Variants in FCHSD2 observed in about 807,000 individuals in gnomAD.
FCHSD2 encodes FCH and double SH3 domains 2, also known as F-BAR and double SH3 domains protein 2.
Under a neutral mutation model 108.1 loss-of-function variants are expected in FCHSD2, and 38 were observed. The observed-to-expected ratio is 0.35, with a 90% confidence interval of 0.27 to 0.46. The LOEUF (loss-of-function observed/expected upper bound fraction) is 0.46, where lower values mean the gene tolerates loss of function less well. FCHSD2 is among the 20% of genes least tolerant of loss of function. The pLI is 1.00. For synonymous variants in FCHSD2, 279 were observed against 314.7 expected, an observed-to-expected ratio of 0.89 and a Z score of 1.20; for missense variants, 751 against 897.8, an observed-to-expected ratio of 0.84 and a Z score of 2.09.
intron 13 of FCHSD2, among the ~76,000 whole-genome samples, chr11:72,854,641 T>C (rs1170449110): frequency 6.6e-6 from 1 of 152,160 alleles, no homozygotes; most frequent in Non-Finnish European, 1.5e-5. Flanking sequence ...ATGCTACATA[T>C]GACATGGGTG....
chr11:73,029,536 T>C (rs1487654964), intron 3 of FCHSD2, among the ~76,000 whole-genome samples: 1 of 152,166 alleles, frequency 6.6e-6, no homozygotes, highest in Non-Finnish European at 1.5e-5. Flanking sequence ...CTATGCTCCT[T>C]ATGGGAGCCA....
chr11:72,944,759 GACAA>G (rs1300415122), intron 8 of FCHSD2, among the ~76,000 whole-genome samples: 2 of 152,092 alleles, frequency 1.3e-5, no homozygotes, highest in Non-Finnish European at 2.9e-5. Flanking sequence ...ACCAATAACA[GACAA>G]ACAGAGAGCC....
intron 3 of FCHSD2, among the ~76,000 whole-genome samples, chr11:73,082,609 T>A (rs1013827034): frequency 6.6e-6 from 1 of 152,062 alleles, no homozygotes; most frequent in Non-Finnish European, 1.5e-5. Context: ...AAAAGAGTCA[T>A]GCCCCAATCT....
intron 2 of FCHSD2, among the ~76,000 whole-genome samples, chr11:73,137,044 A>G (rs1861135495): frequency 6.6e-6 from 1 of 152,178 alleles, no homozygotes; most frequent in Admixed American, 6.6e-5. Flanking sequence ...AAACAAAAAA[A>G]CATCCAAGTT....
chr11:72,864,756 T>C (rs1854686240), intron 13 of FCHSD2, among the ~76,000 whole-genome samples: 1 of 152,202 alleles, frequency 6.6e-6, no homozygotes, highest in African/African-American at 2.4e-5. Context: ...ATTAATATAA[T>C]ATCAAAAGTC....
intron 3 of FCHSD2, among the ~76,000 whole-genome samples, chr11:73,062,080 G>A (rs891543506): frequency 2.0e-5 from 3 of 152,166 alleles, no homozygotes; most frequent in Non-Finnish European, 4.4e-5. Context: ...CATCTGGCAG[G>A]TGCCTGTCTG....
intron 3 of FCHSD2, among the ~76,000 whole-genome samples, chr11:73,016,768 T>C (rs1423594709): frequency 1.3e-5 from 2 of 152,196 alleles, no homozygotes; most frequent in African/African-American, 4.8e-5. Context: ...CACAAGTCAC[T>C]TCAAACAACA....
intron 3 of FCHSD2, among the ~76,000 whole-genome samples, chr11:73,079,391 G>T (rs779605602): frequency 5.9e-5 from 9 of 151,836 alleles, no homozygotes; most frequent in Non-Finnish European, 8.8e-5. Context: ...GTAGAGACGG[G>T]GTTTCACCAT....
At chr11:73,030,253 G>A (rs759433817) in intron 3 of FCHSD2, among the ~76,000 whole-genome samples, 10 of 152,082 alleles carry the variant, frequency 6.6e-5, no homozygotes, top group East Asian at 1.9e-4. Flanking sequence ...GACACTTATC[G>A]GAAGATGTGC....
At chr11:73,066,607 T>C (rs1859299230) in intron 3 of FCHSD2, among the ~76,000 whole-genome samples, 1 of 151,678 alleles carries the variant, frequency 6.6e-6, no homozygotes, top group Admixed American at 6.6e-5. Flanking sequence ...AAAGGGCTAA[T>C]ATCCAGAATC....
intron 3 of FCHSD2, among the ~76,000 whole-genome samples, chr11:73,060,473 G>C (rs1023372853): frequency 7.9e-5 from 12 of 152,124 alleles, no homozygotes; most frequent in Non-Finnish European, 1.8e-4. Flanking sequence ...CCTTCTCACA[G>C]GCAATGAAGG....
intron 4 of FCHSD2, among the ~76,000 whole-genome samples, chr11:73,004,078 C>T (rs922263035): frequency 1.5e-5 from 2 of 130,724 alleles, no homozygotes; most frequent in African/African-American, 2.9e-5. Flanking sequence ...CACTGCACTC[C>T]GGCCTGGGCA....
rs548676661 is a variant in FCHSD2, at chr11:73,019,920, A to T, written c.166-4035T>A. ...TGTCTTGCAATTTTTTAAAGTTTTT[A>T]AAAAAATTTTTTTCAAATCATTCTC... On this transcript the variant is annotated intron_variant, in intron 3 of 19. Transcript: ENST00000409418. Among the ~76,000 whole-genome samples, 11 of 152,294 alleles carry T rather than the reference A, an allele frequency of 7.2e-5. No individual in the cohort carries two copies. In the East Asian group the frequency reaches 1.7e-3, roughly 24 times the overall value.
intron 8 of FCHSD2, among the ~76,000 whole-genome samples, chr11:72,949,577 T>C (rs1478759182): frequency 6.6e-6 from 1 of 152,258 alleles, no homozygotes; most frequent in East Asian, 1.9e-4. Flanking sequence ...ATCTACTTTC[T>C]ACATTTCTGG....
rs79856396 is a variant in FCHSD2 at position 72,886,825 on chromosome 11, C to T, written c.1146+645G>A. 2.6e-4 allele frequency among the ~76,000 whole-genome samples: 40 copies of T among 152,300 alleles called. No individual in the cohort carries two copies. In the East Asian group the frequency reaches 7.5e-3, roughly 29 times the overall value. ...TATCCCAACCTCTCCCTATCTAGAG[C>T]AGGGAGTATTAGCCTCAGGCATAAG... On this transcript the variant is annotated intron_variant, in intron 12 of 19. Transcript: ENST00000409418.
intron 10 of FCHSD2, among the ~76,000 whole-genome samples, chr11:72,896,310 G>A (rs564334274): frequency 1.3e-5 from 2 of 152,302 alleles, no homozygotes; most frequent in African/African-American, 4.8e-5. Context: ...ACCTGAGGAA[G>A]TTTCCGTGTT....
intron 8 of FCHSD2, among the ~76,000 whole-genome samples, chr11:72,937,191 G>T (rs1856320345): frequency 6.6e-6 from 1 of 152,022 alleles, no homozygotes; most frequent in South Asian, 2.1e-4. Flanking sequence ...AAGGCTTTTG[G>T]GGAAACTAAA....
intron 2 of FCHSD2, among the ~76,000 whole-genome samples, chr11:73,102,195 A>C (rs1446398483): frequency 6.6e-6 from 1 of 152,222 alleles, no homozygotes; most frequent in Non-Finnish European, 1.5e-5. Flanking sequence ...ACCCACTAGA[A>C]TGACTAAAGT....
chr11:73,052,568 G>A (rs1858925902), intron 3 of FCHSD2, among the ~76,000 whole-genome samples: 1 of 152,152 alleles, frequency 6.6e-6, no homozygotes. Flanking sequence ...ACATACTGAA[G>A]TTCCATGGTT....
Sources: allele counts gnomAD v4.1 joint callset (sites outside exome capture counted in the v4.1 genomes callset), GRCh38; gene constraint gnomAD v4.1.1; transcripts MANE v1.5; gene names NCBI Gene and HGNC (gene_info 2026-07-23, HGNC 2026-07-21).